The following FMN2 variants were observed in gnomAD, a reference collection of about 807,000 sequenced individuals.
FMN2 encodes the protein formin-2.
A neutral mutation model predicts 142.3 loss-of-function variants in FMN2; 51 were observed. That is an observed-to-expected ratio of 0.36 (90% CI 0.29 to 0.45). The LOEUF (loss-of-function observed/expected upper bound fraction) is 0.45. Ranked by LOEUF, FMN2 falls within the 20% of genes least tolerant of loss-of-function variation. FMN2 has a pLI of 1.00. For synonymous variants in FMN2, 882 were observed against 869.8 expected (o/e 1.01, Z -0.25); for missense variants, 1,936 against 2,122.8 (o/e 0.91, Z 1.73).
rs575756280 is a variant in FMN2, at chr1:240,352,528, T to C, written c.4766-3288T>C. On this transcript the variant is annotated intron_variant, in intron 13 of 17. Transcript: ENST00000319653. ...ACCGGGAGATGGAGGTTGCAGTGAG[T>C]CAAGATCGTGCCACTGCACTCCAGG... 1.0e-3 allele frequency among the ~76,000 whole-genome samples: 157 copies of C among 151,966 alleles called. 1 individual carries two copies. Among genetic ancestry groups the C allele is most frequent in the African/African-American group, 3.5e-3 (145 of 41,452 alleles).
In FMN2 at chr1:240,207,377, C is replaced by G; in HGVS notation, c.2565C>G (p.Ile855Met). The G allele has an allele frequency of 1.2e-6, 2 of 1,613,826 alleles. No individual in the cohort carries two copies. Among genetic ancestry groups the G allele is most frequent in the South Asian group, 2.2e-5 (2 of 91,078 alleles). ...CTGCCTTTAAAAACAGCTGTAACAT[C>G]CCATCTCCACCACCTCTGCCTTGCA... is the stretch of plus-strand genomic sequence containing the variant. ...VSSAFKNSCN[I>M]PSPPPLPCTE... is the part of the protein sequence containing the mutation. The change falls in exon 5 of 18, where the codon ATC becomes ATG. Residue 855 changes from isoleucine to methionine, a missense_variant. By Grantham distance (10) the Ile-to-Met change is conservative (BLOSUM62 1). Coordinates refer to ENST00000319653, the MANE Select transcript of FMN2 (RefSeq NM_020066.5).
chr1:240,186,375 TG>T (rs1001590964), intron 3 of FMN2, among the ~76,000 whole-genome samples: 1 of 152,182 alleles, frequency 6.6e-6, no homozygotes, highest in African/African-American at 2.4e-5. Flanking sequence ...TATTTGGATG[TG>T]GGGGACACAA....
intron 2 of FMN2, chr1:240,143,716 C>G (rs550275969): frequency 2.5e-6 from 4 of 1,572,930 alleles, no homozygotes; most frequent in East Asian, 4.5e-5. Context: ...AGGAAGCCAA[C>G]GAGCATAAGA....
chr1:240,472,963 TTAAGA>T (rs1221649379), intron 17 of FMN2, among the ~76,000 whole-genome samples: 16 of 136,922 alleles, frequency 1.2e-4, no homozygotes, highest in Non-Finnish European at 1.6e-4. Context: ...AAAAAAAAAA[TTAAGA>T]TAAATCTACT....
chr1:240,405,962 AG>A, intron 15 of FMN2, among the ~76,000 whole-genome samples: 1 of 151,992 alleles, frequency 6.6e-6, no homozygotes, highest in Non-Finnish European at 1.5e-5. Context: ...TCCCATGCAA[AG>A]GGAAGCAGCC....
At chr1:240,365,675 A>G (rs1672645295) in intron 14 of FMN2, among the ~76,000 whole-genome samples, 1 of 152,180 alleles carries the variant, frequency 6.6e-6, no homozygotes, top group Admixed American at 6.5e-5. Flanking sequence ...GGGGAAATAC[A>G]AGTTTAGGTG....
At chr1:240,251,268 G>T (rs955029922) in intron 6 of FMN2, among the ~76,000 whole-genome samples, 4 of 151,676 alleles carry the variant, frequency 2.6e-5, no homozygotes, top group African/African-American at 9.7e-5. Context: ...TTGGTGTTTT[G>T]TGTTTCCAAT....
intron 7 of FMN2, among the ~76,000 whole-genome samples, chr1:240,273,754 C>T (rs1362629093): frequency 1.3e-5 from 2 of 152,084 alleles, no homozygotes; most frequent in Non-Finnish European, 2.9e-5. Context: ...CTTGCTGTAT[C>T]TTCTCTCTGT....
chr1:240,270,006 C>T (rs1036448232), intron 7 of FMN2, among the ~76,000 whole-genome samples: 22 of 152,050 alleles, frequency 1.4e-4, no homozygotes, highest in African/African-American at 4.6e-4. Flanking sequence ...CCTTTTCTAT[C>T]TGAATGCCTT....
chr1:240,277,829 C>CTT (rs1669270829), intron 7 of FMN2, among the ~76,000 whole-genome samples: 4 of 152,028 alleles, frequency 2.6e-5, no homozygotes, highest in Non-Finnish European at 5.9e-5. Context: ...GCCACAGCGC[C>CTT]TGGCCCGTAC....
chr1:240,378,818 A>G (rs1673133064), intron 14 of FMN2, among the ~76,000 whole-genome samples: 2 of 151,984 alleles, frequency 1.3e-5, no homozygotes, highest in South Asian at 4.1e-4. Flanking sequence ...TCTTTTGTTT[A>G]TATCATCCAT....
chr1:240,144,964 G>GCACTCC (rs1663376361), intron 2 of FMN2: 1 of 1,255,500 alleles, frequency 8.0e-7, no homozygotes, highest in African/African-American at 1.4e-5. Flanking sequence ...TGAGGCACTC[G>GCACTCC]CACTCCCCAC....
chr1:240,285,193 G>A (rs1411491211), intron 7 of FMN2: 7 of 455,274 alleles, frequency 1.5e-5, no homozygotes, highest in Admixed American at 4.7e-5. Context: ...GTAGGGGTGG[G>A]TGTGGTGAGG....
intron 2 of FMN2, chr1:240,154,662 C>T (rs1663938961): frequency 2.0e-5 from 3 of 152,110 alleles, no homozygotes; most frequent in African/African-American, 4.8e-5. Context: ...AAAGGCTAGT[C>T]AAGTGTAGTA....
intron 7 of FMN2, among the ~76,000 whole-genome samples, chr1:240,277,905 A>G (rs941784872): frequency 6.6e-6 from 1 of 152,148 alleles, no homozygotes. Flanking sequence ...ATGTCTGGTA[A>G]ACAATAAACT....
intron 16 of FMN2, among the ~76,000 whole-genome samples, chr1:240,465,902 T>C (rs1440196887): frequency 2.6e-5 from 4 of 152,198 alleles, no homozygotes; most frequent in South Asian, 4.1e-4. Context: ...ATCTCCCTTC[T>C]TCATCTCACA....
chr1:240,322,282 T>A (rs576904037), intron 8 of FMN2, among the ~76,000 whole-genome samples: 10 of 152,316 alleles, frequency 6.6e-5, no homozygotes, highest in African/African-American at 2.2e-4. Context: ...GCATCTTCTA[T>A]AATTTTTAGG....
At position 240,314,507 on chromosome 1, in the gene FMN2, A is replaced by G. The variant is rs537203028; in HGVS notation, c.4216-14569A>G. Among the ~76,000 whole-genome samples, 5 of 152,334 alleles carry G rather than the reference A, an allele frequency of 3.3e-5. No homozygotes were observed. In the South Asian group the frequency reaches 8.3e-4, roughly 25 times the overall value. On this transcript the variant is annotated intron_variant, in intron 8 of 17. Transcript: ENST00000319653. ...TCTACTTTTTAAAAAGAGAGAGGAA[A>G]GAGGAGAAGCAAAAGGATCACTGTT... is the stretch of plus-strand genomic sequence containing the variant.
At chr1:240,170,478 G>A in intron 2 of FMN2, 1 of 1,437,750 alleles carries the variant, frequency 7.0e-7, no homozygotes, top group Non-Finnish European at 9.8e-7. Flanking sequence ...TGCAAATTTT[G>A]TCTAAATCCT....
Sources: allele counts gnomAD v4.1 joint callset (sites outside exome capture counted in the v4.1 genomes callset), GRCh38; gene constraint gnomAD v4.1.1; transcripts MANE v1.5; gene names NCBI Gene and HGNC (gene_info 2026-07-23, HGNC 2026-07-21).